Variants in CLPX observed in about 807,000 individuals in gnomAD.
CLPX encodes the protein ATP-dependent clpX-like chaperone, mitochondrial.
Under a neutral mutation model 76.4 loss-of-function variants are expected in CLPX, and 34 were observed. The observed-to-expected ratio is 0.45, with a 90% CI of 0.34 to 0.59. The LOEUF (loss-of-function observed/expected upper bound fraction) is 0.59. Among genes scored for constraint, CLPX ranks in the 20% least tolerant of loss-of-function variants. The pLI, the probability that CLPX is intolerant of heterozygous loss-of-function variation, is 0.01. For synonymous variants in CLPX, 248 were observed against 270.9 expected, an observed-to-expected ratio of 0.92 and a Z score of 0.83; for missense variants, 613 against 757.0, an observed-to-expected ratio of 0.81 and a Z score of 2.23.
chr15:65,166,662 A>G lies in CLPX; in HGVS notation c.482T>C (p.Phe161Ser). 6.2e-7 allele frequency: 1 copy of G among 1,614,142 alleles called. No homozygotes were observed. The highest frequency in any genetic ancestry group is 8.5e-7 in the Non-Finnish European group (1 of 1,180,002). ...AGGGGGAGGTGGTGGTTTCTGTTGG[A>G]ATGCCAATTTTACAGCTTCTGCTGC... ...ESAAEAVKLA[F>S]QQKPPPPPKK... The change falls in exon 4 of 14, where the codon TTC (phenylalanine) becomes TCC (serine). Residue 161 changes from phenylalanine to serine, a missense_variant. By Grantham distance (155) the Phe-to-Ser change is radical. Around this residue, in one of 2 missense-constraint regions of CLPX, gnomAD observed 450 missense variants for 638.6 expected, o/e 0.70. Transcript: ENST00000300107.
At chr15:65,179,181 T>C (rs2088130493) in intron 2 of CLPX, 130 bp from the exon 3 acceptor site, 3 of 541,506 alleles carry the variant, frequency 5.5e-6, no homozygotes, top group South Asian at 5.1e-5. Context: ...ATTATTAGTA[T>C]ATTTTATAAT....
At chr15:65,150,979 C>A in intron 13 of CLPX, 66 bp from the exon 14 acceptor site, 1 of 1,104,128 alleles carries the variant, frequency 9.1e-7, no homozygotes, top group Non-Finnish European at 1.3e-6. Context: ...TCTTTAAAAT[C>A]AAAACAGCAA....
At chr15:65,166,819 TAAA>T in intron 3 of CLPX, 34 bp from the exon 4 acceptor site, 1 of 1,584,982 alleles carries the variant, frequency 6.3e-7, no homozygotes, top group Non-Finnish European at 8.6e-7. Flanking sequence ...TAGAGGGAAA[TAAA>T]AAATAATTCC....
At chr15:65,152,683 G>T in intron 12 of CLPX, 147 bp from the exon 13 acceptor site, 1 of 199,272 alleles carries the variant, frequency 5.0e-6, no homozygotes, top group Non-Finnish European at 9.5e-6. Flanking sequence ...ATATATATGG[G>T]ATTATATATA....
chr15:65,157,941 C>A, intron 7 of CLPX, 31 bp from the exon 8 acceptor site: 2 of 1,528,856 alleles, frequency 1.3e-6, no homozygotes, highest in Non-Finnish European at 1.8e-6. Flanking sequence ...TAAAAGTTTA[C>A]TGAAAATATA....
intron 6 of CLPX, among the ~76,000 whole-genome samples, chr15:65,159,510 C>T (rs1413050310): frequency 2.0e-5 from 3 of 151,850 alleles, no homozygotes; most frequent in Admixed American, 6.6e-5. Flanking sequence ...CTTGGGAGGC[C>T]GAGGCAGGAG....
At chr15:65,173,400 A>C (rs1424756762) in intron 3 of CLPX, among the ~76,000 whole-genome samples, 3 of 151,514 alleles carry the variant, frequency 2.0e-5, no homozygotes, top group African/African-American at 7.3e-5. Flanking sequence ...AGACAGACAG[A>C]CAAGTGGTAA....
chr15:65,165,559 AT>A (rs201811601), intron 4 of CLPX, among the ~76,000 whole-genome samples: 15 of 150,910 alleles, frequency 9.9e-5, no homozygotes, highest in African/African-American at 3.7e-4. Context: ...AATTTTTTGT[AT>A]TTTTTTAGTA....
rs2087866047 is a variant in CLPX at position 65,162,454 on chromosome 15, T to C, written c.715+150A>G. The C allele has an allele frequency of 2.4e-5, 12 of 497,042 alleles. 3 individuals are homozygous for C. The South Asian group carries it at 3.9e-4, about 16-fold the overall frequency. 30.8% of individuals were successfully genotyped at this position (497,042 alleles called of 1,614,324 possible). Reference sequence around the variant, plus strand: ...AACTATTCCAAAGTTATATATACCATGTAGGATAAACACATTTAGATAATA... The same window carrying C: ...AACTATTCCAAAGTTATATATACCACGTAGGATAAACACATTTAGATAATA... On this transcript the variant is annotated intron_variant, in intron 6 of 13. Coordinates refer to ENST00000300107, the MANE Select transcript of CLPX (RefSeq NM_006660.5).
intron 13 of CLPX, among the ~76,000 whole-genome samples, chr15:65,151,334 G>C (rs552668233): frequency 1.2e-3 from 117 of 99,258 alleles, no homozygotes; most frequent in Admixed American, 1.9e-3. Context: ...GACAGAGCAA[G>C]ACTGAGTCTC....
intron 3 of CLPX, among the ~76,000 whole-genome samples, chr15:65,177,376 A>G (rs2088104118): frequency 6.6e-6 from 1 of 152,056 alleles, no homozygotes; most frequent in South Asian, 2.1e-4. Context: ...GCCCACTTTC[A>G]TTTTATGTTG....
At chr15:65,169,993 T>G (rs1376438745) in intron 3 of CLPX, among the ~76,000 whole-genome samples, 14 of 152,146 alleles carry the variant, frequency 9.2e-5, no homozygotes, top group African/African-American at 3.4e-4. Flanking sequence ...ATTCCTGACC[T>G]CAGGTGATCC....
intron 8 of CLPX, among the ~76,000 whole-genome samples, chr15:65,157,476 G>A (rs906843791): frequency 2.0e-5 from 3 of 152,126 alleles, no homozygotes; most frequent in South Asian, 2.1e-4. Context: ...GTCTTGAGGG[G>A]AGTTAAAACA....
chr15:65,184,228 G>T (rs951672373), intron 1 of CLPX: 1 of 152,172 alleles, frequency 6.6e-6, no homozygotes, highest in African/African-American at 2.4e-5. Flanking sequence ...ATCTAGCCTC[G>T]TGGTCTGACT....
chr15:65,179,978 CTGTTA>C (rs1595947934), intron 2 of CLPX, 61 bp downstream of exon 2: 2 of 1,156,954 alleles, frequency 1.7e-6, no homozygotes, highest in Non-Finnish European at 2.4e-6. Flanking sequence ...AGAGACAGTA[CTGTTA>C]TATTTTTTTA....
At chr15:65,169,249 C>T (rs1278103880) in intron 3 of CLPX, among the ~76,000 whole-genome samples, 10 of 151,876 alleles carry the variant, frequency 6.6e-5, no homozygotes, top group South Asian at 2.1e-4. Flanking sequence ...CCACTGCGCC[C>T]GGCCGATGCC....
At position 65,158,669 on chromosome 15, in the gene CLPX, A is replaced by G; in HGVS notation, c.798T>C (p.Pro266=). The G allele has an allele frequency of 6.2e-7, 1 of 1,613,802 alleles. No homozygotes were observed. The highest frequency in any genetic ancestry group is 1.1e-5 in the South Asian group (1 of 91,052). The change falls in exon 7 of 14, where the codon CCT becomes CCC. Residue 266 remains proline, a synonymous_variant. Coordinates refer to ENST00000300107, the MANE Select transcript of CLPX (RefSeq NM_006660.5). Reference sequence around the variant, plus strand: ...ATACTTCACCTCCTCGTTTTTCCTGAGGTATTTGTTGATTTACCTGTTGCT... The same window carrying G: ...ATACTTCACCTCCTCGTTTTTCCTGGGGTATTTGTTGATTTACCTGTTGCT... ...SMQQQVNQQI[P]QEKRGGEVLD... is the part of the protein sequence containing the mutation.
intron 8 of CLPX, 72 bp downstream of exon 8, chr15:65,157,674 T>G (rs2087805986): frequency 7.4e-7 from 1 of 1,351,722 alleles, no homozygotes; most frequent in African/African-American, 1.5e-5. Context: ...AAACAAGAAT[T>G]ATATTGTCTC....
At chr15:65,177,361 G>A (rs556149943) in intron 3 of CLPX, among the ~76,000 whole-genome samples, 50 of 152,228 alleles carry the variant, frequency 3.3e-4, no homozygotes, top group South Asian at 1.0e-3. Flanking sequence ...GAGCCACAGC[G>A]CCTGGCCCAC....
Sources: gnomAD v4.1 joint callset for allele counts (sites outside exome capture counted in the v4.1 genomes callset) on GRCh38, gnomAD v4.1.1 for gene constraint, gnomAD v4.1.1 regional missense constraint, MANE v1.5 for transcripts, NCBI Gene and HGNC (gene_info 2026-07-23, HGNC 2026-07-21) for gene names.